PRTFDC1: variants seen among roughly 807,000 people sequenced by gnomAD.
PRTFDC1 encodes phosphoribosyltransferase domain-containing protein 1.
Under a neutral mutation model 34.6 loss-of-function variants are expected in PRTFDC1, and 38 were observed. The observed-to-expected ratio is 1.10, with a 90% CI of 0.85 to 1.44. PRTFDC1 has a LOEUF of 1.44. Among genes scored for constraint, PRTFDC1 ranks in the 40% most tolerant of loss-of-function variants. The probability of loss-of-function intolerance (pLI) is 0.00; values close to 1 mark genes in which losing one functional copy is unlikely to be tolerated. For missense variants in PRTFDC1, 270 were observed against 283.0 expected (o/e 0.95, Z 0.33); for synonymous variants, 93 against 98.1 (o/e 0.95, Z 0.31).
chr10:24,875,599 C>G (rs1334577593), intron 3 of PRTFDC1, among the ~76,000 whole-genome samples: 2 of 152,028 alleles, frequency 1.3e-5, no homozygotes, highest in Non-Finnish European at 2.9e-5. Context: ...CTTAATTCAT[C>G]TGGAATTTAT....
chr10:24,851,432 C>T lies in PRTFDC1; in HGVS notation c.586G>A (p.Val196Met). Residue 196 changes from valine (V) to methionine (M), a missense_variant, in exon 8 of 9, where the codon GTG (valine) becomes ATG (methionine). Physicochemically the swap from Val to Met is conservative, Grantham distance 21. Transcript: ENST00000320152. ...AGFEIPNLFV[V>M]GYALDYNEYF... ...TCATTGTAATCTAAGGCATATCCCA[C>T]CACAAATAAGTTTGGAATCTCAAAT... is the stretch of plus-strand genomic sequence containing the variant. 1.2e-6 allele frequency: 2 copies of T among 1,612,270 alleles called. No homozygotes were observed. The highest frequency in any genetic ancestry group is 2.2e-5 in the East Asian group (1 of 44,832).
At chr10:24,856,398 C>A (rs377296653) in intron 6 of PRTFDC1, among the ~76,000 whole-genome samples, 1 of 151,886 alleles carries the variant, frequency 6.6e-6, no homozygotes, top group Non-Finnish European at 1.5e-5. Context: ...ACCAGCCTGG[C>A]CAACATGGTG....
chr10:24,904,577 C>T (rs1404082084), intron 3 of PRTFDC1, among the ~76,000 whole-genome samples: 1 of 152,178 alleles, frequency 6.6e-6, no homozygotes, highest in East Asian at 1.9e-4. Context: ...AACTTGTCAC[C>T]TTCAATGCCA....
intron 3 of PRTFDC1, among the ~76,000 whole-genome samples, chr10:24,895,688 G>GAGAGATAT (rs1491335198): frequency 6.3e-5 from 3 of 47,382 alleles, no homozygotes; most frequent in African/African-American, 2.1e-4. Context: ...AGCTGGGGTG[G>GAGAGATAT]ATATATATAT....
rs148505018 is a variant in PRTFDC1 at position 24,913,145 on chromosome 10, A to G, written c.339+24039T>C. ...TTGAAATGGCAGCCACTTTATGGAG[A>G]AAACACGAACTTCACTAGGGCTGCC... On this transcript the variant is annotated intron_variant, in intron 3 of 8. Coordinates refer to ENST00000320152, the MANE Select transcript of PRTFDC1 (RefSeq NM_020200.7). Among the ~76,000 whole-genome samples the G allele has an allele frequency of 1.3e-4, 20 of 152,336 alleles. No homozygotes were observed. The East Asian group carries it at 3.9e-3, about 29-fold the overall frequency.
At chr10:24,937,777 C>T (rs1447028464) in intron 2 of PRTFDC1, among the ~76,000 whole-genome samples, 7 of 151,376 alleles carry the variant, frequency 4.6e-5, no homozygotes, top group African/African-American at 9.7e-5. Context: ...AGGCTGGTCT[C>T]GAACTCCTGA....
At chr10:24,930,080 C>T (rs1848948791) in intron 3 of PRTFDC1, among the ~76,000 whole-genome samples, 1 of 151,768 alleles carries the variant, frequency 6.6e-6, no homozygotes, top group Admixed American at 6.6e-5. Flanking sequence ...CACACAAACA[C>T]ACACACACAC....
intron 1 of PRTFDC1, among the ~76,000 whole-genome samples, chr10:24,945,996 C>A (rs1190307246): frequency 1.3e-5 from 2 of 152,204 alleles, no homozygotes; most frequent in Non-Finnish European, 2.9e-5. Context: ...AGAACCCTGA[C>A]TGGCCCCAGG....
At chr10:24,855,488 G>T in intron 6 of PRTFDC1, 124 bp from the exon 7 acceptor site, 1 of 1,118,778 alleles carries the variant, frequency 8.9e-7, no homozygotes, top group Admixed American at 2.1e-5. Flanking sequence ...CTATATAGAT[G>T]GTTCTGGATA....
intron 3 of PRTFDC1, 104 bp downstream of exon 3, chr10:24,937,080 C>G: frequency 9.3e-7 from 1 of 1,079,630 alleles, no homozygotes; most frequent in East Asian, 2.5e-5. Flanking sequence ...ATTTTCATCT[C>G]CATTTTTAAA....
chr10:24,942,644 G>GTT (rs1280717841), intron 1 of PRTFDC1, among the ~76,000 whole-genome samples: 1 of 152,094 alleles, frequency 6.6e-6, no homozygotes, highest in Non-Finnish European at 1.5e-5. Flanking sequence ...TAAAATATTT[G>GTT]TTTTGTTTTG....
chr10:24,855,259 T>A, intron 7 of PRTFDC1, 59 bp downstream of exon 7: 1 of 1,514,068 alleles, frequency 6.6e-7, no homozygotes, highest in Non-Finnish European at 9.1e-7. Context: ...AAACATAAAA[T>A]GAAACACCAT....
chr10:24,855,275 C>CA, intron 7 of PRTFDC1, 43 bp downstream of exon 7: 1 of 1,569,096 alleles, frequency 6.4e-7, no homozygotes, highest in Non-Finnish European at 8.7e-7. Flanking sequence ...ACCATAAGCA[C>CA]AAAACAAACA....
rs764326071 is a variant in PRTFDC1 at position 24,942,359 on chromosome 10, G to A, written c.126C>T (p.Val42=). Residue 42 remains valine (V), a synonymous_variant, in exon 2 of 9, where the codon GTC becomes GTT. Transcript: ENST00000320152. ...CCACAATGATACCATGAGGGATGAG[G>A]ACATACTCCAAGTCTCCATAATAGT... ...PQHYYGDLEY[V]LIPHGIIVDR... is the part of the protein sequence containing the mutation. 43 of 1,613,034 alleles carry A rather than the reference G, an allele frequency of 2.7e-5. No individual in the cohort carries two copies. The highest frequency in any genetic ancestry group is 3.3e-5 in the South Asian group (3 of 91,070).
In PRTFDC1 at chr10:24,952,530, C is replaced by T; in HGVS notation, c.46G>A (p.Val16Met). Residue 16 changes from valine to methionine, a missense_variant and splice_region_variant, in exon 1 of 9, where the codon GTG becomes ATG. By Grantham distance (21) the Val-to-Met change is conservative. Coordinates refer to ENST00000320152, the MANE Select transcript of PRTFDC1 (RefSeq NM_020200.7). The surrounding 1 kb of genome is among the most constrained non-coding windows in gnomAD (Gnocchi z 5.1). ...CAAAATAGGGAGTTTGCATTTACCA[C>T]GACGCCTCGCCCGTAGTCTGGCGCC... ...EEAPDYGRGV[V>M]IMDDWPGYDL... The T allele has an allele frequency of 6.3e-7, 1 of 1,586,846 alleles. No homozygotes were observed. Among genetic ancestry groups the T allele is most frequent in the Middle Eastern group, 1.7e-4 (1 of 6,036 alleles).
chr10:24,934,193 T>C (rs184923243), intron 3 of PRTFDC1, among the ~76,000 whole-genome samples: 1 of 151,582 alleles, frequency 6.6e-6, no homozygotes, highest in Admixed American at 6.6e-5. Flanking sequence ...TCTATCTATA[T>C]AATCAAATTC....
intron 3 of PRTFDC1, among the ~76,000 whole-genome samples, chr10:24,880,459 T>C (rs1353429157): frequency 6.6e-6 from 1 of 152,188 alleles, no homozygotes; most frequent in Non-Finnish European, 1.5e-5. Flanking sequence ...GGTTTCACCA[T>C]GTCTTTAGTC....
rs184072052 is a variant in PRTFDC1, at chr10:24,922,603, C to A, written c.339+14581G>T. 5.3e-4 allele frequency among the ~76,000 whole-genome samples: 81 copies of A among 152,300 alleles called. 1 individual carries two copies. The highest frequency in any genetic ancestry group is 1.7e-3 in the Admixed American group (26 of 15,304). ...AAGATATGATTTTGCCCCTAATTTG[C>A]CTTCTGCCATGATTGTGAGGCCTCC... On this transcript the variant is annotated intron_variant, in intron 3 of 8. Transcript: ENST00000320152.
At chr10:24,945,887 C>T (rs1465576401) in intron 1 of PRTFDC1, among the ~76,000 whole-genome samples, 3 of 152,174 alleles carry the variant, frequency 2.0e-5, no homozygotes, top group Non-Finnish European at 4.4e-5. Context: ...CTGCTATAAC[C>T]TCTAACACTA....
Sources: gnomAD v4.1 joint callset for allele counts (sites outside exome capture counted in the v4.1 genomes callset) on GRCh38, gnomAD v4.1.1 for gene constraint, Gnocchi (gnomAD v3.1) non-coding constraint, MANE v1.5 for transcripts, NCBI Gene and HGNC (gene_info 2026-07-23, HGNC 2026-07-21) for gene names.